Variants in PANK4 observed in about 807,000 individuals in gnomAD.
PANK4 encodes 4'-phosphopantetheine phosphatase.
PANK4 carries 40 observed loss-of-function variants against 87.9 expected under a neutral mutation model. That is an observed-to-expected ratio of 0.46 (90% CI 0.35 to 0.59). The LOEUF is 0.59. Ranked by LOEUF, PANK4 falls within the 20% of genes least tolerant of loss-of-function variation. PANK4 has a pLI of 0.00. For synonymous variants in PANK4, 524 were observed against 467.4 expected, an observed-to-expected ratio of 1.12 and a Z score of -1.56; for missense variants, 926 against 1,072.3, an observed-to-expected ratio of 0.86 and a Z score of 1.90.
At position 2,520,046 on chromosome 1, in the gene PANK4, C is replaced by T. The variant is rs973572715; in HGVS notation, c.700-92G>A. ...CCAAGCCCATGGCAGGAGGCACGCG[C>T]GGGCAGGGGGTAAATGGGCCCTCAT... On this transcript the variant is annotated intron_variant, in intron 5 of 18. Coordinates refer to ENST00000378466, the MANE Select transcript of PANK4 (RefSeq NM_018216.4). The surrounding 1 kb of genome is among the most constrained non-coding windows in gnomAD (Gnocchi z 6.2). 22 of 1,270,898 alleles carry T rather than the reference C, an allele frequency of 1.7e-5. No homozygotes were observed. Among genetic ancestry groups the T allele is most frequent in the African/African-American group, 4.5e-5 (3 of 66,926 alleles). The allele number at this position is 1,270,898 out of a possible 1,614,324, so 78.7% of individuals were successfully genotyped here.
In PANK4 at chr1:2,515,315, G is replaced by A; in HGVS notation, c.1374+247C>T. The A allele has an allele frequency of 1.4e-6, 1 of 689,734 alleles. No individual in the cohort carries two copies. The highest frequency in any genetic ancestry group is 2.7e-6 in the Non-Finnish European group (1 of 377,284). 42.7% of individuals were successfully genotyped at this position (689,734 alleles called of 1,614,324 possible). A position where few individuals can be genotyped will look rare whatever the true frequency, so the allele number is the denominator to read the frequency against. ...TTTTGAAGGAATGTGCTAGCTAGCA[G>A]AACTATCAGCTGCCCTTAGAAGCAA... On this transcript the variant is annotated intron_variant, in intron 10 of 18. Transcript: ENST00000378466. This position sits in a 1 kb window ranked among gnomAD's most constrained non-coding sequence, Gnocchi z 5.0.
chr1:2,508,903 G>A lies in PANK4; in HGVS notation c.2266C>T (p.Arg756Trp), dbSNP rs1372258104. ...ACGCTGAAGAGCCGGCCGCCCAGCC[G>A]CTCGGCCAGCCACGCGTTCTTGATG... ...AVIKNAWLAE[R>W]LGGRLFSVIF... is the part of the protein sequence containing the mutation. The change falls in exon 19 of 19, where the codon CGG (arginine) becomes TGG (tryptophan). Residue 756 changes from arginine (R) to tryptophan (W), a missense_variant. Physicochemically the swap from Arg to Trp is moderately radical, Grantham distance 101 (BLOSUM62 -3). Coordinates refer to ENST00000378466, the MANE Select transcript of PANK4 (RefSeq NM_018216.4). The surrounding 1 kb of genome is among the most constrained non-coding windows in gnomAD (Gnocchi z 5.1). The A allele has an allele frequency of 1.2e-6, 2 of 1,609,338 alleles. No individual in the cohort carries two copies. The highest frequency in any genetic ancestry group is 1.7e-6 in the Non-Finnish European group (2 of 1,178,338).
chr1:2,526,444 G>C lies in PANK4; in HGVS notation c.124+20C>G. Reference sequence around the variant, plus strand: ...CCGCCCGCCCCCGCAGCCCGCGCCCGGCGCCCGGCCTGCGGCTACCTATGT... The same window carrying C: ...CCGCCCGCCCCCGCAGCCCGCGCCCCGCGCCCGGCCTGCGGCTACCTATGT... On this transcript the variant is annotated intron_variant, in intron 1 of 18. Transcript: ENST00000378466. 1.5e-6 allele frequency: 2 copies of C among 1,320,270 alleles called. No homozygotes were observed. Among genetic ancestry groups the C allele is most frequent in the Non-Finnish European group, 9.9e-7 (1 of 1,013,516 alleles). 81.8% of individuals were successfully genotyped at this position (1,320,270 alleles called of 1,614,324 possible).
intron 1 of PANK4, among the ~76,000 whole-genome samples, chr1:2,523,487 G>C (rs996443493): frequency 6.6e-6 from 1 of 152,164 alleles, no homozygotes; most frequent in Non-Finnish European, 1.5e-5. Context: ...CTCATCAAAA[G>C]TCAGTATAAA....
At position 2,518,165 on chromosome 1, in the gene PANK4, G is replaced by T; in HGVS notation, c.1217C>A (p.Thr406Asn). ...LGPAQRARSG[T>N]FDLLEMDRLE... ...GGGCGGCCAGAGCCCACTACTCACA[G>T]TGCCACTCCGCGCCCGCTGCGCCGG... The change falls in exon 9 of 19, where the codon ACT becomes AAT. Residue 406 changes from threonine to asparagine, a missense_variant and splice_region_variant. Physicochemically the swap from Thr to Asn is moderately conservative, Grantham distance 65 (BLOSUM62 0). Coordinates refer to ENST00000378466, the MANE Select transcript of PANK4 (RefSeq NM_018216.4). The T allele has an allele frequency of 6.3e-7, 1 of 1,598,972 alleles. No individual in the cohort carries two copies.
Position 2,520,862 on chromosome 1 carries a change from T to C in PANK4, c.467A>G (p.Asn156Ser). 1 of 1,579,514 alleles carries C rather than the reference T, an allele frequency of 6.3e-7. No individual in the cohort carries two copies. Among genetic ancestry groups the C allele is most frequent in the Non-Finnish European group, 8.6e-7 (1 of 1,163,276 alleles). Residue 156 changes from asparagine (N) to serine (S), a missense_variant, in exon 4 of 19, where the codon AAC (asparagine) becomes AGC (serine). Asn to Ser is a conservative substitution (Grantham distance 46). Coordinates refer to ENST00000378466, the MANE Select transcript of PANK4 (RefSeq NM_018216.4). This position sits in a 1 kb window ranked among gnomAD's most constrained non-coding sequence, Gnocchi z 6.2. ...ATGGGGGATGTTCTTGAGCACGAAG[T>C]TGCACCCCTTAATCAGGCACGTCAT... ...DVMTCLIKGCNFVLKNIPHEA... is the reference protein window; with the variant it reads ...DVMTCLIKGCSFVLKNIPHEA...
At position 2,510,643 on chromosome 1, in the gene PANK4, A is replaced by C. The variant is rs200903219; in HGVS notation, c.1938+35T>G. On this transcript the variant is annotated intron_variant, in intron 16 of 18. Transcript: ENST00000378466. This position sits in a 1 kb window ranked among gnomAD's most constrained non-coding sequence, Gnocchi z 4.9. ...AACCCCACCGAGAGCAGAGAAGCCC[A>C]GGGGAAGGGCCCCACCCACCACCTC... 7.8e-7 allele frequency: 1 copy of C among 1,287,096 alleles called. No individual in the cohort carries two copies. The highest frequency in any genetic ancestry group is 1.5e-5 in the African/African-American group (1 of 67,892). 79.7% of individuals were successfully genotyped at this position (1,287,096 alleles called of 1,614,324 possible).
chr1:2,522,028 C>A, intron 1 of PANK4: 1 of 567,556 alleles, frequency 1.8e-6, no homozygotes, highest in Non-Finnish European at 3.2e-6. Flanking sequence ...AGCTCCCTGG[C>A]CAAACTGAGC....
Position 2,511,646 on chromosome 1 carries a change from C to T in PANK4, c.1765G>A (p.Ala589Thr). The T allele has an allele frequency of 1.2e-6, 2 of 1,610,228 alleles. No homozygotes were observed. Among genetic ancestry groups the T allele is most frequent in the Non-Finnish European group, 8.5e-7 (1 of 1,176,760 alleles). Reference sequence around the variant, plus strand: ...TCCGTACCTTGTAACTTCCTCTTTGCTTCTTCAAACCCAAAGTAGGGGTCG... The same window carrying T: ...TCCGTACCTTGTAACTTCCTCTTTGTTTCTTCAAACCCAAAGTAGGGGTCG... Reference protein sequence around the residue: ...ESDPYFGFEEAKRKLQERPWL... With the variant: ...ESDPYFGFEETKRKLQERPWL... Residue 589 changes from alanine (A) to threonine (T), a missense_variant, in exon 14 of 19, where the codon GCA becomes ACA. Ala to Thr is a moderately conservative substitution (Grantham distance 58). Transcript: ENST00000378466.
At position 2,512,876 on chromosome 1, in the gene PANK4, G is replaced by A. The variant is rs376753560; in HGVS notation, c.1727+12C>T. ...AGGCTGCAGAGCCTGCTCCGAGCCCGCAGACACCTACGCAGACACGGCTTT... is the reference window on the plus strand; with the variant it reads ...AGGCTGCAGAGCCTGCTCCGAGCCCACAGACACCTACGCAGACACGGCTTT... On this transcript the variant is annotated intron_variant, in intron 13 of 18. Transcript: ENST00000378466. 58 of 1,612,152 alleles carry A rather than the reference G, an allele frequency of 3.6e-5. 1 individual carries two copies. In the Middle Eastern group the frequency reaches 6.6e-4, roughly 18 times the overall value.
In PANK4 at chr1:2,508,958, G is replaced by A. The variant is rs763070079; in HGVS notation, c.2211C>T (p.Ala737=). The A allele has an allele frequency of 5.0e-6, 8 of 1,609,412 alleles. No homozygotes were observed. In the East Asian group the frequency reaches 1.3e-4, roughly 27 times the overall value. The change falls in exon 19 of 19, where the codon GCC becomes GCT. Residue 737 remains alanine, a synonymous_variant. Coordinates refer to ENST00000378466, the MANE Select transcript of PANK4 (RefSeq NM_018216.4). The surrounding 1 kb of genome is among the most constrained non-coding windows in gnomAD (Gnocchi z 5.1). ...GRAVHTNYHA[A]LRCESLKLAV... is the part of the protein sequence containing the mutation. ...CCAGCTTGAGGCTCTCGCAGCGCAG[G>A]GCTGCGTGGTAGTTTGTGTGGACAG...
Position 2,515,322 on chromosome 1 carries a change from C to T in PANK4, c.1374+240G>A. 1 of 693,130 alleles carries T rather than the reference C, an allele frequency of 1.4e-6. No homozygotes were observed. 42.9% of individuals were successfully genotyped at this position (693,130 alleles called of 1,614,324 possible). A position where few individuals can be genotyped will look rare whatever the true frequency, so the allele number is the denominator to read the frequency against. On this transcript the variant is annotated intron_variant, in intron 10 of 18. Coordinates refer to ENST00000378466, the MANE Select transcript of PANK4 (RefSeq NM_018216.4). The surrounding 1 kb of genome is among the most constrained non-coding windows in gnomAD (Gnocchi z 5.0). Reference sequence around the variant, plus strand: ...GGAATGTGCTAGCTAGCAGAACTATCAGCTGCCCTTAGAAGCAACGTGCCT... The same window carrying T: ...GGAATGTGCTAGCTAGCAGAACTATTAGCTGCCCTTAGAAGCAACGTGCCT...
rs1643643524 is a variant in PANK4, at chr1:2,510,536, C to A, written c.1938+142G>T. 4.5e-6 allele frequency: 3 copies of A among 660,684 alleles called. No individual in the cohort carries two copies. The highest frequency in any genetic ancestry group is 8.1e-6 in the Non-Finnish European group (3 of 370,214). The allele number at this position is 660,684 out of a possible 1,614,324, so 40.9% of individuals were successfully genotyped here. A position where few individuals can be genotyped will look rare whatever the true frequency, so the allele number is the denominator to read the frequency against. ...CACCCCAGCAGATGACGGCTCTGGG[C>A]CGCCTCCCCCGTGCTGCTGCCTGCA... On this transcript the variant is annotated intron_variant, in intron 16 of 18. Coordinates refer to ENST00000378466, the MANE Select transcript of PANK4 (RefSeq NM_018216.4). The surrounding 1 kb of genome is among the most constrained non-coding windows in gnomAD (Gnocchi z 4.9).
intron 1 of PANK4, chr1:2,525,812 G>A (rs576344008): frequency 1.3e-5 from 2 of 152,388 alleles, no homozygotes; most frequent in East Asian, 3.9e-4. Flanking sequence ...CCGCCTTAAA[G>A]GCCACGGAAG....
chr1:2,525,757 G>A (rs1223944040), intron 1 of PANK4: 2 of 152,330 alleles, frequency 1.3e-5, no homozygotes, highest in African/African-American at 4.8e-5. Context: ...CATCAGGCAG[G>A]AGGGTCTGCA....
rs1373098191 is a variant in PANK4, at chr1:2,521,216, C to A, written c.307G>T (p.Ala103Ser). 1 of 1,613,920 alleles carries A rather than the reference C, an allele frequency of 6.2e-7. No homozygotes were observed. ...FIKFENTYIE[A>S]CLDFIKDHLV... ...TGGTCTTTGATGAAGTCCAGGCAGG[C>A]TTCGATGTAGGTATTCTCAAACTTA... is the stretch of plus-strand genomic sequence containing the variant. The change falls in exon 3 of 19, where the codon GCC becomes TCC. Residue 103 changes from alanine (A) to serine (S), a missense_variant. Ala to Ser is a moderately conservative substitution (Grantham distance 99). Coordinates refer to ENST00000378466, the MANE Select transcript of PANK4 (RefSeq NM_018216.4).
intron 12 of PANK4, 32 bp from the exon 13 acceptor site, chr1:2,513,071 G>A (rs750251825): frequency 3.8e-6 from 6 of 1,562,936 alleles, no homozygotes; most frequent in Non-Finnish European, 5.2e-6. Flanking sequence ...AGGCCTGAGT[G>A]AAGACGTGGC....
At chr1:2,524,194 C>G (rs10910086) in intron 1 of PANK4, among the ~76,000 whole-genome samples, 8,360 of 152,232 alleles carry the variant, frequency 0.055, 559 homozygotes, top group African/African-American at 0.15. Flanking sequence ...CTGCTGCTTT[C>G]AAAGAGGTGA....
At position 2,509,781 on chromosome 1, in the gene PANK4, C is replaced by T. The variant is rs776989821; in HGVS notation, c.2108+81G>A. 4.9e-5 allele frequency: 62 copies of T among 1,277,746 alleles called. No individual in the cohort carries two copies. The highest frequency in any genetic ancestry group is 6.6e-5 in the Non-Finnish European group (59 of 887,450). 79.2% of individuals were successfully genotyped at this position (1,277,746 alleles called of 1,614,324 possible). A position where few individuals can be genotyped will look rare whatever the true frequency, so the allele number is the denominator to read the frequency against. ...AGGGGCAGTCCTGAGGTCGGTGTCC[C>T]GCATGCACCTGGGTGCAGGTGCACG... is the stretch of plus-strand genomic sequence containing the variant. On this transcript the variant is annotated intron_variant, in intron 18 of 18. Coordinates refer to ENST00000378466, the MANE Select transcript of PANK4 (RefSeq NM_018216.4). This position sits in a 1 kb window ranked among gnomAD's most constrained non-coding sequence, Gnocchi z 4.9.
Sources: allele counts gnomAD v4.1 joint callset (sites outside exome capture counted in the v4.1 genomes callset), GRCh38; gene constraint gnomAD v4.1.1; non-coding constraint Gnocchi (gnomAD v3.1); transcripts MANE v1.5; gene names NCBI Gene and HGNC (gene_info 2026-07-23, HGNC 2026-07-21).